The following CHD2 variants were observed in gnomAD, a reference collection of about 807,000 sequenced individuals.
CHD2 encodes the protein chromodomain helicase DNA binding protein 2.
CHD2 carries 28 observed loss-of-function variants against 243.9 expected under a neutral mutation model. The ratio of observed to expected loss-of-function variants is 0.11; its 90% confidence interval spans 0.09 to 0.16. The LOEUF (loss-of-function observed/expected upper bound fraction) is 0.16. Ranked by LOEUF, CHD2 falls within the 10% of genes least tolerant of loss-of-function variation. The pLI, the probability that CHD2 is intolerant of heterozygous loss-of-function variation, is 1.00. For missense variants in CHD2, 1,386 were observed against 2,209.8 expected (o/e 0.63, Z 7.47); for synonymous variants, 775 against 779.0 (o/e 0.99, Z 0.09).
At chr15:93,019,313 T>A (rs2054501802) in intron 37 of CHD2, among the ~76,000 whole-genome samples, 1 of 152,172 alleles carries the variant, frequency 6.6e-6, no homozygotes, top group Admixed American at 6.5e-5. Context: ...AGCGGTATCA[T>A]TTTCTGAATT....
intron 16 of CHD2, among the ~76,000 whole-genome samples, chr15:92,966,509 C>T (rs752007437): frequency 5.9e-5 from 9 of 152,096 alleles, no homozygotes; most frequent in South Asian, 2.1e-4. Context: ...GCTTTAATGA[C>T]GACTTTAGAT....
Position 92,924,505 on chromosome 15 carries a change from A to G in CHD2, c.247A>G (p.Lys83Glu). The change falls in exon 3 of 39, where the codon AAA (lysine) becomes GAA (glutamate). Residue 83 changes from lysine to glutamate, a missense_variant. Around this residue, in one of 19 missense-constraint regions of CHD2, gnomAD observed 89 missense variants for 102.4 expected, o/e 0.87. Coordinates refer to ENST00000394196, the MANE Select transcript of CHD2 (RefSeq NM_001271.4). The part of the protein sequence containing the change: ...SKSQPVLPEA[K>E]EKPASKKERI... ...ATCCCAGCCAGTCCTCCCAGAAGCCAAAGAGAAGCCAGCCTCTAAGAAGGA... is the reference window on the plus strand; with the variant it reads ...ATCCCAGCCAGTCCTCCCAGAAGCCGAAGAGAAGCCAGCCTCTAAGAAGGA... The G allele has an allele frequency of 6.2e-7, 1 of 1,614,178 alleles. No homozygotes were observed. Among genetic ancestry groups the G allele is most frequent in the Admixed American group, 1.7e-5 (1 of 60,014 alleles).
intron 26 of CHD2, among the ~76,000 whole-genome samples, chr15:92,986,750 A>C (rs1199668956): frequency 6.6e-6 from 1 of 152,098 alleles, no homozygotes; most frequent in Non-Finnish European, 1.5e-5. Flanking sequence ...TAGAGTCAGA[A>C]TCTTGCTCTC....
At chr15:92,937,441 GA>G in intron 5 of CHD2, 76 bp from the exon 6 acceptor site, 1 of 1,051,782 alleles carries the variant, frequency 9.5e-7, no homozygotes, top group Non-Finnish European at 1.4e-6. Flanking sequence ...TAGTAAAATT[GA>G]AATTGGTTTT....
chr15:92,974,963 TG>T lies in CHD2; in HGVS notation c.2577+15del, dbSNP rs1254184338. The T allele has an allele frequency of 6.2e-7, 1 of 1,611,498 alleles. No individual in the cohort carries two copies. Among genetic ancestry groups the T allele is most frequent in the Non-Finnish European group, 8.5e-7 (1 of 1,178,000 alleles). On this transcript the variant is annotated intron_variant, in intron 20 of 38. Coordinates refer to ENST00000394196, the MANE Select transcript of CHD2 (RefSeq NM_001271.4). Reference sequence around the variant, plus strand: ...AGATGGGTCTGAGGTATACTATGCATGGCTTTGTTATTTGAGCAACTTGGGC... The same window carrying T: ...AGATGGGTCTGAGGTATACTATGCATGCTTTGTTATTTGAGCAACTTGGGC...
chr15:92,919,262 T>C (rs958834878), intron 2 of CHD2, among the ~76,000 whole-genome samples: 32 of 152,240 alleles, frequency 2.1e-4, no homozygotes, highest in African/African-American at 7.5e-4. Context: ...TAGTGATTAT[T>C]CCTCTTACGA....
chr15:92,984,282 G>C, intron 24 of CHD2, 48 bp from the exon 25 acceptor site: 2 of 1,410,040 alleles, frequency 1.4e-6, no homozygotes, highest in Non-Finnish European at 1.9e-6. Context: ...TTTAGTAGAT[G>C]GTGTTTAGAA....
chr15:93,016,516 T>C lies in CHD2; in HGVS notation c.4906+1607T>C, dbSNP rs57310683. Among the ~76,000 whole-genome samples the C allele has an allele frequency of 3.0e-3, 455 of 152,352 alleles. 1 individual carries two copies. Among genetic ancestry groups the C allele is most frequent in the African/African-American group, 0.01 (435 of 41,586 alleles). On this transcript the variant is annotated intron_variant, in intron 37 of 38. Transcript: ENST00000394196. ...TAATTAGGCTGATTGAGCCATTCCA[T>C]AATGTATATGTATTTTAAAACATTG...
intron 2 of CHD2, chr15:92,904,525 G>T: frequency 1.0e-6 from 1 of 996,828 alleles, no homozygotes; most frequent in African/African-American, 1.7e-5. Context: ...GGGACTTTCC[G>T]GTGGGCGGCT....
chr15:92,961,903 A>T (rs2141823436), intron 16 of CHD2, among the ~76,000 whole-genome samples: 3 of 28,992 alleles, frequency 1.0e-4, no homozygotes, highest in African/African-American at 1.0e-4. Context: ...TTTTTTTGAG[A>T]CTGAGTTTTG....
intron 34 of CHD2, 49 bp downstream of exon 34, chr15:93,004,800 C>G (rs959342149): frequency 3.8e-6 from 6 of 1,586,986 alleles, no homozygotes; most frequent in East Asian, 4.5e-5. Context: ...GCGGTACTTG[C>G]TGTGGCTCTG....
In CHD2 at chr15:92,939,703, C is replaced by T. The variant is rs1379301229; in HGVS notation, c.677C>T (p.Ala226Val). ...CCCAAAAGGCAGACTCGTCGAAGAGCGGCTAAAAACGTTAGGTAAGTTGTA... is the reference window on the plus strand; with the variant it reads ...CCCAAAAGGCAGACTCGTCGAAGAGTGGCTAAAAACGTTAGGTAAGTTGTA... The part of the protein sequence containing the change: ...EAPKRQTRRR[A>V]AKNVSYKEDD... The change falls in exon 7 of 39, where the codon GCG becomes GTG. Residue 226 changes from alanine to valine, a missense_variant. Coordinates refer to ENST00000394196, the MANE Select transcript of CHD2 (RefSeq NM_001271.4). 9 of 1,613,228 alleles carry T rather than the reference C, an allele frequency of 5.6e-6. No individual in the cohort carries two copies. The highest frequency in any genetic ancestry group is 2.7e-5 in the African/African-American group (2 of 74,874).
In CHD2 at chr15:93,020,698, C is replaced by T. The variant is rs372220885; in HGVS notation, c.5153+440C>T. The T allele has an allele frequency of 2.1e-5, 5 of 234,252 alleles. No individual in the cohort carries two copies. The East Asian group carries it at 3.5e-4, about 17-fold the overall frequency. The allele number at this position is 234,252 out of a possible 1,614,324, so 14.5% of individuals were successfully genotyped here. A position where few individuals can be genotyped will look rare whatever the true frequency, so the allele number is the denominator to read the frequency against. On this transcript the variant is annotated intron_variant, in intron 38 of 38. Coordinates refer to ENST00000394196, the MANE Select transcript of CHD2 (RefSeq NM_001271.4). ...CTTCAGTACAATGCCACCAGTAGTACGATGAGCCGAAGCTTTACATTGTGA... is the reference window on the plus strand; with the variant it reads ...CTTCAGTACAATGCCACCAGTAGTATGATGAGCCGAAGCTTTACATTGTGA...
chr15:92,912,179 A>G (rs2052748995), intron 2 of CHD2, among the ~76,000 whole-genome samples: 1 of 152,154 alleles, frequency 6.6e-6, no homozygotes, highest in Non-Finnish European at 1.5e-5. Context: ...GTTCCCAGAC[A>G]GGTTTTGCAT....
chr15:92,951,863 A>C (rs1158285911), intron 13 of CHD2, among the ~76,000 whole-genome samples: 1 of 152,200 alleles, frequency 6.6e-6, no homozygotes, highest in Non-Finnish European at 1.5e-5. Flanking sequence ...TTTACCCTTT[A>C]AACTAGCTAG....
intron 13 of CHD2, among the ~76,000 whole-genome samples, chr15:92,950,767 G>A (rs2063475030): frequency 6.9e-6 from 1 of 145,024 alleles, no homozygotes; most frequent in Non-Finnish European, 1.5e-5. Flanking sequence ...AAAAAAAAAA[G>A]GACAGCTTAA....
intron 34 of CHD2, among the ~76,000 whole-genome samples, chr15:93,008,257 C>A (rs2054347166): frequency 6.6e-6 from 1 of 152,186 alleles, no homozygotes; most frequent in East Asian, 1.9e-4. Flanking sequence ...CTCAGGTAAT[C>A]CTGTTTTCAG....
chr15:92,935,079 A>G (rs934931440), intron 5 of CHD2, among the ~76,000 whole-genome samples: 1 of 140,296 alleles, frequency 7.1e-6, no homozygotes, highest in African/African-American at 2.7e-5. Context: ...TTTGTCACCT[A>G]GGCTGGAGTG....
chr15:93,020,096 A>G lies in CHD2; in HGVS notation c.4991A>G (p.Gln1664Arg). The G allele has an allele frequency of 6.2e-7, 1 of 1,614,220 alleles. No homozygotes were observed. Among genetic ancestry groups the G allele is most frequent in the Non-Finnish European group, 8.5e-7 (1 of 1,180,036 alleles). ...CCATGGGGAAGCGACAGGCACCATC[A>G]GTATGAGCAGCACTGGTACAAGGAC... ...NPPWGSDRHH[Q>R]YEQHWYKDHH... is the part of the protein sequence containing the mutation. The change falls in exon 38 of 39, where the codon CAG becomes CGG. Residue 1664 changes from glutamine to arginine, a missense_variant. This residue lies in a region of CHD2 where 347 missense variants were observed against 341.6 expected (regional missense o/e 1.02). Coordinates refer to ENST00000394196, the MANE Select transcript of CHD2 (RefSeq NM_001271.4).
Sources: allele counts gnomAD v4.1 joint callset (sites outside exome capture counted in the v4.1 genomes callset), GRCh38; gene constraint gnomAD v4.1.1; regional missense constraint gnomAD v4.1.1; transcripts MANE v1.5; gene names NCBI Gene and HGNC (gene_info 2026-07-23, HGNC 2026-07-21).